The following ARHGEF12 variants were observed in gnomAD, a reference collection of about 807,000 sequenced individuals.
The protein encoded by ARHGEF12 is KMT2A/ARHGEF12 fusion protein.
In ARHGEF12, 66 loss-of-function variants were observed where a neutral mutation model predicts 211.2. The observed-to-expected ratio is 0.31, with a 90% CI of 0.26 to 0.38. The LOEUF is 0.38. Among genes scored for constraint, ARHGEF12 ranks in the 10% least tolerant of loss-of-function variants. The pLI is 1.00. For synonymous variants in ARHGEF12, 592 were observed against 638.4 expected (o/e 0.93, Z 1.09); for missense variants, 1,429 against 1,869.5 (o/e 0.76, Z 4.34).
chr11:120,403,419 A>C (rs1944600127), intron 1 of ARHGEF12, among the ~76,000 whole-genome samples: 1 of 152,006 alleles, frequency 6.6e-6, no homozygotes, highest in Non-Finnish European at 1.5e-5. Flanking sequence ...AGGCAGGAGA[A>C]GTGTTTGAAC....
chr11:120,480,374 C>T lies in ARHGEF12; in HGVS notation c.4181C>T (p.Ser1394Leu). The T allele has an allele frequency of 6.2e-7, 1 of 1,614,106 alleles. No individual in the cohort carries two copies. Residue 1394 changes from serine (S) to leucine (L), a missense_variant, in exon 38 of 41, where the codon TCA becomes TTA. Physicochemically the swap from Ser to Leu is moderately radical, Grantham distance 145. Coordinates refer to ENST00000397843, the MANE Select transcript of ARHGEF12 (RefSeq NM_015313.3). ...GAAGCACATAGTGATGAGAATCCAT[C>T]AGAAGGTGATGGAGCAGTTAACAAG... Reference protein sequence around the residue: ...AREAHSDENPSEGDGAVNKEE... With the variant: ...AREAHSDENPLEGDGAVNKEE...
chr11:120,362,912 A>G (rs996871499), intron 1 of ARHGEF12, among the ~76,000 whole-genome samples: 1 of 152,064 alleles, frequency 6.6e-6, no homozygotes, highest in Non-Finnish European at 1.5e-5. Flanking sequence ...CATCCTGACT[A>G]ACACAGTGAA....
intron 22 of ARHGEF12, 38 bp downstream of exon 22, chr11:120,451,762 A>G: frequency 6.4e-7 from 1 of 1,568,534 alleles, no homozygotes; most frequent in African/African-American, 1.3e-5. Context: ...CTAAGCATCA[A>G]GATTTTAAAA....
chr11:120,432,777 G>T (rs796294330), intron 11 of ARHGEF12, among the ~76,000 whole-genome samples: 27 of 152,274 alleles, frequency 1.8e-4, no homozygotes, highest in African/African-American at 6.0e-4. Flanking sequence ...GAAGGTTGTT[G>T]TTGGGGGATT....
At chr11:120,397,059 T>G (rs1424506799) in intron 1 of ARHGEF12, among the ~76,000 whole-genome samples, 1 of 152,206 alleles carries the variant, frequency 6.6e-6, no homozygotes, top group Admixed American at 6.5e-5. Context: ...CTAAAAATAT[T>G]ATGAATTGTA....
intron 11 of ARHGEF12, among the ~76,000 whole-genome samples, chr11:120,435,202 A>G (rs1014314922): frequency 1.5e-4 from 22 of 150,974 alleles, no homozygotes; most frequent in Non-Finnish European, 2.4e-4. Flanking sequence ...TTCCTTGGCC[A>G]TTTGTTGTTG....
chr11:120,415,071 AATC>A (rs1179783994), intron 4 of ARHGEF12, among the ~76,000 whole-genome samples: 4 of 152,224 alleles, frequency 2.6e-5, no homozygotes, highest in African/African-American at 7.2e-5. Flanking sequence ...TATGATTAAT[AATC>A]TTTATACCAG....
intron 27 of ARHGEF12, chr11:120,463,762 T>G (rs1411986378): frequency 6.6e-6 from 1 of 152,166 alleles, no homozygotes; most frequent in Non-Finnish European, 1.5e-5. Context: ...GTGTCCTACT[T>G]GAAAAAATAC....
chr11:120,375,859 TG>T (rs1226782205), intron 1 of ARHGEF12, among the ~76,000 whole-genome samples: 1 of 152,186 alleles, frequency 6.6e-6, no homozygotes, highest in Non-Finnish European at 1.5e-5. Context: ...AGATTTTTCT[TG>T]TTCTTGATGG....
chr11:120,446,198 A>AAATAATAATAAT lies in ARHGEF12; in HGVS notation c.1346-176_1346-165dup, dbSNP rs59459827. On this transcript the variant is annotated intron_variant, in intron 16 of 40. Transcript: ENST00000397843. ...GGGCAACAGAGCAAGACTCCATCTC[A>AAATAATAATAAT]AATAATAATAATAATAATAATAATA... 6.0e-3 allele frequency among the ~76,000 whole-genome samples: 836 copies of AAATAATAATAAT among 140,346 alleles called. 11 individuals are homozygous for AAATAATAATAAT. Among genetic ancestry groups the AAATAATAATAAT allele is most frequent in the African/African-American group, 0.02 (780 of 38,402 alleles). 92.1% of individuals were successfully genotyped at this position (140,346 alleles called of 152,430 possible).
At chr11:120,359,233 T>A in intron 1 of ARHGEF12, among the ~76,000 whole-genome samples, 1 of 152,006 alleles carries the variant, frequency 6.6e-6, no homozygotes, top group East Asian at 1.9e-4. Context: ...GGGGCCCATT[T>A]TGTTTTTTTG....
chr11:120,465,481 T>A (rs1240031298), intron 28 of ARHGEF12, 119 bp downstream of exon 28: 1 of 1,345,268 alleles, frequency 7.4e-7, no homozygotes, highest in African/African-American at 1.5e-5. Flanking sequence ...AACTTTTTTT[T>A]TTTGAGACAG....
At chr11:120,433,799 CA>C (rs200521895) in intron 11 of ARHGEF12, among the ~76,000 whole-genome samples, 2 of 151,056 alleles carry the variant, frequency 1.3e-5, no homozygotes, top group East Asian at 3.9e-4. Context: ...ACTAAAAATA[CA>C]AAAAAAAATT....
intron 1 of ARHGEF12, among the ~76,000 whole-genome samples, chr11:120,358,853 G>A (rs1340046306): frequency 6.6e-6 from 1 of 152,158 alleles, no homozygotes; most frequent in Non-Finnish European, 1.5e-5. Flanking sequence ...CTGCTTCAAG[G>A]TTTCTCATGA....
chr11:120,475,323 T>G lies in ARHGEF12; in HGVS notation c.3110-17T>G. The G allele has an allele frequency of 1.2e-6, 2 of 1,610,924 alleles. No individual in the cohort carries two copies. The highest frequency in any genetic ancestry group is 1.7e-6 in the Non-Finnish European group (2 of 1,177,492). The stretch of plus-strand genomic sequence containing the variant: ...CATTTCTGTACTTACCATTTTTTTC[T>G]GCACTTTTATTTCTAGATTTATACA... On this transcript the variant is annotated splice_polypyrimidine_tract_variant and intron_variant, in intron 32 of 40. Coordinates refer to ENST00000397843, the MANE Select transcript of ARHGEF12 (RefSeq NM_015313.3).
Position 120,481,368 on chromosome 11 carries a change from A to C in ARHGEF12, c.4346A>C (p.Glu1449Ala), listed in dbSNP as rs1285199635. ...CCCATGACAGGCATCCCTGCTGTGGAATCCACCCACCAGCAGCAACATTCT... is the reference window on the plus strand; with the variant it reads ...CCCATGACAGGCATCCCTGCTGTGGCATCCACCCACCAGCAGCAACATTCT... ...LQPMTGIPAVESTHQQQHSPQ... is the reference protein window; with the variant it reads ...LQPMTGIPAVASTHQQQHSPQ... Residue 1449 changes from glutamate (E) to alanine (A), a missense_variant, in exon 39 of 41, where the codon GAA (glutamate) becomes GCA (alanine). Glu to Ala is a moderately radical substitution (Grantham distance 107). Transcript: ENST00000397843. 6.2e-7 allele frequency: 1 copy of C among 1,614,148 alleles called. No individual in the cohort carries two copies. Among genetic ancestry groups the C allele is most frequent in the Admixed American group, 1.7e-5 (1 of 60,016 alleles).
intron 11 of ARHGEF12, among the ~76,000 whole-genome samples, chr11:120,434,543 T>C (rs1414576176): frequency 3.9e-5 from 6 of 152,232 alleles, no homozygotes. Flanking sequence ...CTTTTGTTGT[T>C]GTTTTAACAG....
chr11:120,434,546 TTTAACAGTACTTTG>T (rs375051165), intron 11 of ARHGEF12, among the ~76,000 whole-genome samples: 6 of 152,246 alleles, frequency 3.9e-5, no homozygotes, highest in African/African-American at 1.2e-4. Context: ...TTGTTGTTGT[TTTAACAGTACTTTG>T]AGTCGCGGTT....
intron 7 of ARHGEF12, among the ~76,000 whole-genome samples, chr11:120,427,355 A>ATT (rs1487369843): frequency 1.3e-5 from 2 of 152,212 alleles, no homozygotes; most frequent in East Asian, 3.9e-4. Flanking sequence ...TTAAAATTGC[A>ATT]TTTTATGTTC....
Sources: gnomAD v4.1 joint callset for allele counts (sites outside exome capture counted in the v4.1 genomes callset) on GRCh38, gnomAD v4.1.1 for gene constraint, MANE v1.5 for transcripts, NCBI Gene and HGNC (gene_info 2026-07-23, HGNC 2026-07-21) for gene names.